The following FMNL3 variants were observed in gnomAD, a reference collection of about 807,000 sequenced individuals.
FMNL3 encodes the protein formin like 3.
A neutral mutation model predicts 119.6 loss-of-function variants in FMNL3; 57 were observed. That is an observed-to-expected ratio of 0.48 (90% CI 0.39 to 0.59). The LOEUF is 0.59. FMNL3 is among the 20% of genes least tolerant of loss of function. The probability of loss-of-function intolerance (pLI) is 0.00; values close to 1 mark genes in which losing one functional copy is unlikely to be tolerated. For missense variants in FMNL3, 1,053 were observed against 1,323.5 expected (o/e 0.80, Z 3.17); for synonymous variants, 491 against 507.3 (o/e 0.97, Z 0.43).
rs759127357 is a variant in FMNL3, at chr12:49,636,791, G to A, written c.*9024C>T. Reference sequence around the variant, plus strand: ...TTGGAGAGGGAAGAGGAGGAGGAACGGGAGCGGGCCCGGCTTCGGGAGCGA... The same window carrying A: ...TTGGAGAGGGAAGAGGAGGAGGAACAGGAGCGGGCCCGGCTTCGGGAGCGA... On this transcript the variant is annotated 3_prime_UTR_variant, in exon 26 of 26. Coordinates refer to ENST00000335154, the MANE Select transcript of FMNL3 (RefSeq NM_175736.5). 6.8e-6 allele frequency: 11 copies of A among 1,614,120 alleles called. No homozygotes were observed. The highest frequency in any genetic ancestry group is 1.7e-5 in the Admixed American group (1 of 60,010).
intron 2 of FMNL3, among the ~76,000 whole-genome samples, chr12:49,666,553 A>C (rs977026835): frequency 6.6e-6 from 1 of 152,196 alleles, no homozygotes; most frequent in Non-Finnish European, 1.5e-5. Flanking sequence ...TGCGCTTGGG[A>C]GGTCGAGGCA....
At chr12:49,692,781 T>G (rs932863977) in intron 1 of FMNL3, among the ~76,000 whole-genome samples, 1 of 152,152 alleles carries the variant, frequency 6.6e-6, no homozygotes, top group Admixed American at 6.5e-5. Context: ...AATAAACAAG[T>G]AATCAAATAA....
intron 1 of FMNL3, among the ~76,000 whole-genome samples, chr12:49,670,604 C>T (rs1565882607): frequency 6.6e-6 from 1 of 152,138 alleles, no homozygotes; most frequent in Non-Finnish European, 1.5e-5. Context: ...GTGAGAGAAA[C>T]AAAGAAGGGG....
rs769423273 is a variant in FMNL3, at chr12:49,636,711, T to C, written c.*9104A>G. The C allele has an allele frequency of 5.6e-6, 9 of 1,614,034 alleles. No individual in the cohort carries two copies. In the South Asian group the frequency reaches 7.7e-5, roughly 14 times the overall value. ...ATGCCCGCGGAACCTCCTGCCTGTC[T>C]TTAGACATGGACAAGGAAGATGCAC... On this transcript the variant is annotated 3_prime_UTR_variant, in exon 26 of 26. Transcript: ENST00000335154.
In FMNL3 at chr12:49,643,143, C is replaced by CT. The variant is rs1942892302; in HGVS notation, c.*2671dup. 6 of 1,592,004 alleles carry CT rather than the reference C, an allele frequency of 3.8e-6. No homozygotes were observed. Among genetic ancestry groups the CT allele is most frequent in the Non-Finnish European group, 5.2e-6 (6 of 1,163,478 alleles). On this transcript the variant is annotated 3_prime_UTR_variant, in exon 26 of 26. Coordinates refer to ENST00000335154, the MANE Select transcript of FMNL3 (RefSeq NM_175736.5). ...AGGATTCCTTTGGCCCTGGGTCCTC[C>CT]TCCTCTCTCGAATTCCCAGACGAGG...
In FMNL3 at chr12:49,643,338, A is replaced by C. The variant is rs1276498695; in HGVS notation, c.*2477T>G. The C allele has an allele frequency of 6.2e-7, 1 of 1,606,072 alleles. No homozygotes were observed. The highest frequency in any genetic ancestry group is 8.5e-7 in the Non-Finnish European group (1 of 1,176,494). On this transcript the variant is annotated 3_prime_UTR_variant, in exon 26 of 26. Transcript: ENST00000335154. ...CCCTCTTCCTCACTTGATTCAGTTG[A>C]AAGTGGGGGTGCTGCCCTTGGAGGA...
At chr12:49,688,470 C>T (rs1345775761) in intron 1 of FMNL3, 5 of 455,968 alleles carry the variant, frequency 1.1e-5, no homozygotes, top group Non-Finnish European at 2.2e-5. Context: ...TCGGACTCTC[C>T]TCAGCATCCT....
At chr12:49,693,373 T>C (rs972885624) in intron 1 of FMNL3, among the ~76,000 whole-genome samples, 1 of 151,862 alleles carries the variant, frequency 6.6e-6, no homozygotes, top group Non-Finnish European at 1.5e-5. Flanking sequence ...TTGTTTGTTT[T>C]TTCACTTTTT....
chr12:49,657,430 C>T lies in FMNL3; in HGVS notation c.606-240G>A, dbSNP rs79306491. ...AGGATCCCGGTTTTATAACCAGTGC[C>T]CCAACCCTAGAGATCCTTCAAAATA... is the stretch of plus-strand genomic sequence containing the variant. On this transcript the variant is annotated intron_variant, in intron 6 of 25. Transcript: ENST00000335154. Among the ~76,000 whole-genome samples, 190 of 152,278 alleles carry T rather than the reference C, an allele frequency of 1.2e-3. 1 individual carries two copies. The highest frequency in any genetic ancestry group is 4.4e-3 in the African/African-American group (184 of 41,554).
chr12:49,668,739 T>C (rs1305613520), intron 1 of FMNL3, among the ~76,000 whole-genome samples, 185 bp from the exon 2 acceptor site: 2 of 152,178 alleles, frequency 1.3e-5, no homozygotes, highest in Non-Finnish European at 2.9e-5. Flanking sequence ...GGTTGAGCAA[T>C]GTTTTCCAAA....
Position 49,637,626 on chromosome 12 carries a change from C to T in FMNL3, c.*8189G>A. On this transcript the variant is annotated 3_prime_UTR_variant, in exon 26 of 26. Transcript: ENST00000335154. Reference sequence around the variant, plus strand: ...CCCCCTTCTCTGGCCTGGCTTCCTGCCCTGCCAGCCTCTCTGCACCCCCTA... The same window carrying T: ...CCCCCTTCTCTGGCCTGGCTTCCTGTCCTGCCAGCCTCTCTGCACCCCCTA... 3 of 1,589,676 alleles carry T rather than the reference C, an allele frequency of 1.9e-6. No homozygotes were observed. Among genetic ancestry groups the T allele is most frequent in the Non-Finnish European group, 2.6e-6 (3 of 1,160,524 alleles).
intron 1 of FMNL3, among the ~76,000 whole-genome samples, chr12:49,672,128 C>T (rs1322378475): frequency 6.6e-6 from 1 of 152,206 alleles, no homozygotes; most frequent in Admixed American, 6.5e-5. Flanking sequence ...GTCCGAGGGA[C>T]CTGCCCTCTT....
chr12:49,655,041 T>C (rs976881149), intron 9 of FMNL3, 57 bp from the exon 10 acceptor site: 1 of 1,526,498 alleles, frequency 6.6e-7, no homozygotes, highest in African/African-American at 1.4e-5. Flanking sequence ...CCCAAGCCCC[T>C]GCGCTCTGGC....
chr12:49,661,434 A>G (rs1316600314), intron 5 of FMNL3, among the ~76,000 whole-genome samples: 1 of 152,072 alleles, frequency 6.6e-6, no homozygotes, highest in African/African-American at 2.4e-5. Flanking sequence ...TTCTGTGCTA[A>G]CTCACTTCTG....
chr12:49,697,301 A>G (rs912909051), intron 1 of FMNL3, among the ~76,000 whole-genome samples: 8 of 152,220 alleles, frequency 5.3e-5, no homozygotes, highest in Non-Finnish European at 8.8e-5. Flanking sequence ...CCTCTTTCCT[A>G]AAGGTGTGCT....
chr12:49,693,746 T>C (rs1327014199), intron 1 of FMNL3, among the ~76,000 whole-genome samples: 2 of 147,424 alleles, frequency 1.4e-5, no homozygotes, highest in Non-Finnish European at 3.0e-5. Flanking sequence ...CCTCCTGGGT[T>C]CAAGCAATTC....
At position 49,642,721 on chromosome 12, in the gene FMNL3, A is replaced by T. The variant is rs1451875779; in HGVS notation, c.*3094T>A. On this transcript the variant is annotated 3_prime_UTR_variant, in exon 26 of 26. Coordinates refer to ENST00000335154, the MANE Select transcript of FMNL3 (RefSeq NM_175736.5). The surrounding 1 kb of genome is among the most constrained non-coding windows in gnomAD (Gnocchi z 5.8). ...GGATCTGCCTCAGGCCCTTGAACTCATTAGACCAGTTCAACAGAGACCTCA... is the reference window on the plus strand; with the variant it reads ...GGATCTGCCTCAGGCCCTTGAACTCTTTAGACCAGTTCAACAGAGACCTCA... 1.9e-6 allele frequency: 3 copies of T among 1,578,250 alleles called. No homozygotes were observed. The highest frequency in any genetic ancestry group is 3.5e-5 in the Admixed American group (2 of 56,528).
chr12:49,687,472 C>A (rs1364145754), intron 1 of FMNL3, among the ~76,000 whole-genome samples: 1 of 152,198 alleles, frequency 6.6e-6, no homozygotes, highest in East Asian at 1.9e-4. Flanking sequence ...CTGCCTCAGC[C>A]TCCCATGCAG....
chr12:49,637,851 A>G lies in FMNL3; in HGVS notation c.*7964T>C. 1 of 1,550,404 alleles carries G rather than the reference A, an allele frequency of 6.4e-7. No individual in the cohort carries two copies. Among genetic ancestry groups the G allele is most frequent in the South Asian group, 1.1e-5 (1 of 88,740 alleles). ...TGAGGGAGGCTGGGGTTATGGATGGATACAGGATGGATGCAGGGCACACTC... is the reference window on the plus strand; with the variant it reads ...TGAGGGAGGCTGGGGTTATGGATGGGTACAGGATGGATGCAGGGCACACTC... On this transcript the variant is annotated 3_prime_UTR_variant, in exon 26 of 26. Transcript: ENST00000335154.
Sources: allele counts gnomAD v4.1 joint callset (sites outside exome capture counted in the v4.1 genomes callset), GRCh38; gene constraint gnomAD v4.1.1; non-coding constraint Gnocchi (gnomAD v3.1); transcripts MANE v1.5; gene names NCBI Gene and HGNC (gene_info 2026-07-23, HGNC 2026-07-21).